STIM1: variants seen among roughly 807,000 people sequenced by gnomAD.
STIM1 encodes stromal interaction molecule 1.
In STIM1, 25 loss-of-function variants were observed where a neutral mutation model predicts 74.7. The ratio of observed to expected loss-of-function variants is 0.33; its 90% CI spans 0.24 to 0.47. STIM1 has a LOEUF of 0.47. Among genes scored for constraint, STIM1 ranks in the 20% least tolerant of loss-of-function variants. The probability of loss-of-function intolerance (pLI) is 1.00; values close to 1 mark genes in which losing one functional copy is unlikely to be tolerated. For missense variants in STIM1, 728 were observed against 920.8 expected (o/e 0.79, Z 2.71); for synonymous variants, 328 against 348.8 (o/e 0.94, Z 0.66).
In STIM1 at chr11:3,956,272, T is replaced by G. The variant is rs926808241; in HGVS notation, c.140-11280T>G. 2.0e-5 allele frequency among the ~76,000 whole-genome samples: 3 copies of G among 152,336 alleles called. No homozygotes were observed. In the South Asian group the frequency reaches 6.2e-4, roughly 32 times the overall value. On this transcript the variant is annotated intron_variant, in intron 1 of 12. Transcript: ENST00000526596. ...TAGATTATCTCCTCTGGGAGAGGCA[T>G]GCTGTGTGCAGGATAAGAGTTGGAA...
chr11:3,951,871 T>C (rs188766273), intron 1 of STIM1, among the ~76,000 whole-genome samples: 234 of 152,236 alleles, frequency 1.5e-3, no homozygotes, highest in Non-Finnish European at 2.7e-3. Flanking sequence ...CAGGCGCCAG[T>C]CAGATAATTT....
At chr11:3,892,415 G>T in intron 1 of STIM1, 2 of 1,444,744 alleles carry the variant, frequency 1.4e-6, no homozygotes, top group Non-Finnish European at 1.9e-6. Flanking sequence ...ACAGTCAGCA[G>T]TGGTGATCTT....
chr11:4,059,345 C>A lies in STIM1; in HGVS notation c.562C>A (p.Gln188Lys), dbSNP rs372235564. ...GAAGATGACAGACCGGAGTCATCGG[C>A]AGAAGCTGCAGCTGAAGGCTCTGGA... ...VLKMTDRSHR[Q>K]KLQLKALDTV... Residue 188 changes from glutamine (Q) to lysine (K), a missense_variant, in exon 5 of 13, where the codon CAG (glutamine) becomes AAG (lysine). Gln to Lys is a moderately conservative substitution (Grantham distance 53). Coordinates refer to ENST00000526596, the MANE Select transcript of STIM1 (RefSeq NM_001382567.1). The A allele has an allele frequency of 2.2e-5, 35 of 1,614,100 alleles. No homozygotes were observed. In the African/African-American group the frequency reaches 4.4e-4, roughly 20 times the overall value.
At chr11:3,992,094 T>C (rs1333517955) in intron 2 of STIM1, among the ~76,000 whole-genome samples, 3 of 135,956 alleles carry the variant, frequency 2.2e-5, no homozygotes, top group South Asian at 2.3e-4. Flanking sequence ...TTTTTGTTTT[T>C]TTTTTTTTTT....
At chr11:3,907,753 GTT>G (rs2092490061) in intron 1 of STIM1, among the ~76,000 whole-genome samples, 1 of 152,156 alleles carries the variant, frequency 6.6e-6, no homozygotes, top group Admixed American at 6.6e-5. Flanking sequence ...TTGGCTCCCA[GTT>G]ACTGTCTTAG....
intron 1 of STIM1, among the ~76,000 whole-genome samples, chr11:3,952,388 C>T (rs1463646562): frequency 1.3e-5 from 2 of 152,020 alleles, no homozygotes; most frequent in African/African-American, 4.8e-5. Context: ...GAGTGAGACC[C>T]TGTCTCATAA....
chr11:3,880,240 A>G (rs949420342), intron 1 of STIM1, among the ~76,000 whole-genome samples: 1 of 152,174 alleles, frequency 6.6e-6, no homozygotes, highest in African/African-American at 2.4e-5. Context: ...GTTGGTTTTT[A>G]TTGCCAATAC....
chr11:4,086,784 C>T (rs1565172414), intron 12 of STIM1: 4 of 1,536,840 alleles, frequency 2.6e-6, no homozygotes, highest in Non-Finnish European at 3.5e-6. Context: ...CTTCCTATTT[C>T]CTCCAGATGG....
chr11:4,025,911 G>A (rs1306758863), intron 3 of STIM1, among the ~76,000 whole-genome samples: 1 of 152,162 alleles, frequency 6.6e-6, no homozygotes, highest in Non-Finnish European at 1.5e-5. Context: ...CAGTGATGTA[G>A]TTCACAGCTG....
At chr11:3,884,794 A>AAAG (rs59961288) in intron 1 of STIM1, among the ~76,000 whole-genome samples, 11,491 of 151,402 alleles carry the variant, frequency 0.076, 607 homozygotes, top group Middle Eastern at 0.14. Context: ...AAAAAAAAAA[A>AAAG]GGGGTATGTT....
At chr11:4,088,789 C>T in intron 12 of STIM1, 2 of 1,516,046 alleles carry the variant, frequency 1.3e-6, no homozygotes, top group East Asian at 2.5e-5. Context: ...TGGGGAGGGA[C>T]CTCTGGCCTG....
At chr11:3,975,219 G>A (rs2093435223) in intron 2 of STIM1, among the ~76,000 whole-genome samples, 2 of 152,188 alleles carry the variant, frequency 1.3e-5, no homozygotes, top group African/African-American at 4.8e-5. Flanking sequence ...GGGTAAAGTG[G>A]TAGTTAATGA....
chr11:4,021,565 T>C (rs185575502), intron 2 of STIM1, among the ~76,000 whole-genome samples: 2 of 152,388 alleles, frequency 1.3e-5, no homozygotes, highest in Admixed American at 1.3e-4. Context: ...GCCAGCACCA[T>C]GCTGTTTCAG....
rs1342762168 is a variant in STIM1, at chr11:4,056,051, C to A, written c.497+414C>A. 3.9e-5 allele frequency among the ~76,000 whole-genome samples: 6 copies of A among 152,206 alleles called. No individual in the cohort carries two copies. The East Asian group carries it at 1.2e-3, about 29-fold the overall frequency. ...TTAGGGGCAAAACTGAGATTTGAATCTTGGTGTACATCAAACCCTGTTGGT... is the reference window on the plus strand; with the variant it reads ...TTAGGGGCAAAACTGAGATTTGAATATTGGTGTACATCAAACCCTGTTGGT... On this transcript the variant is annotated intron_variant, in intron 4 of 12. Coordinates refer to ENST00000526596, the MANE Select transcript of STIM1 (RefSeq NM_001382567.1).
chr11:4,017,876 A>T (rs985401685), intron 2 of STIM1, among the ~76,000 whole-genome samples: 13 of 152,202 alleles, frequency 8.5e-5, no homozygotes, highest in African/African-American at 3.1e-4. Flanking sequence ...ATTTCTCTGT[A>T]TCTGCCCTTT....
intron 3 of STIM1, among the ~76,000 whole-genome samples, chr11:4,044,670 C>A (rs1265048787): frequency 6.6e-6 from 1 of 152,178 alleles, no homozygotes; most frequent in Non-Finnish European, 1.5e-5. Context: ...CAACAACAAA[C>A]AAACCAAAAC....
intron 1 of STIM1, among the ~76,000 whole-genome samples, chr11:3,895,671 T>TTTCTTTCTTTCTTTCTTTCCTTCC (rs2092072574): frequency 2.3e-5 from 1 of 43,342 alleles, no homozygotes; most frequent in Non-Finnish European, 4.2e-5. Context: ...TCTTTCTTTC[T>TTTCTTTCTTTCTTTCTTTCCTTCC]TTCCTTCCTT....
chr11:4,045,948 G>T (rs1482129554), intron 3 of STIM1, among the ~76,000 whole-genome samples: 1 of 148,172 alleles, frequency 6.7e-6, no homozygotes, highest in Non-Finnish European at 1.5e-5. Context: ...TGTATTTTTA[G>T]TAGAGACAGG....
chr11:3,961,292 C>G (rs1200548666), intron 1 of STIM1: 1 of 232,498 alleles, frequency 4.3e-6, no homozygotes, highest in East Asian at 1.1e-4. Context: ...GCCCTGCAGG[C>G]TGATTTTGAC....
Sources: gnomAD v4.1 joint callset for allele counts (sites outside exome capture counted in the v4.1 genomes callset) on GRCh38, gnomAD v4.1.1 for gene constraint, MANE v1.5 for transcripts, NCBI Gene and HGNC (gene_info 2026-07-23, HGNC 2026-07-21) for gene names.